RFX4: variants seen among roughly 807,000 people sequenced by gnomAD.
RFX4 encodes regulatory factor X4.
A neutral mutation model predicts 95.0 loss-of-function variants in RFX4; 10 were observed. The ratio of observed to expected loss-of-function variants is 0.11; its 90% confidence interval spans 0.06 to 0.18. The LOEUF (loss-of-function observed/expected upper bound fraction) is 0.18. RFX4 is among the 10% of genes least tolerant of loss of function. The probability of loss-of-function intolerance (pLI) is 1.00; values close to 1 mark genes in which losing one functional copy is unlikely to be tolerated. For missense variants in RFX4, 640 were observed against 922.0 expected (o/e 0.69, Z 3.96); for synonymous variants, 321 against 340.7 (o/e 0.94, Z 0.64).
At chr12:106,607,039 T>A (rs2039850417) in intron 1 of RFX4, among the ~76,000 whole-genome samples, 1 of 152,146 alleles carries the variant, frequency 6.6e-6, no homozygotes, top group African/African-American at 2.4e-5. Context: ...GAGGACTCAA[T>A]GAAATAACTT....
At chr12:106,719,141 CA>C (rs985918285) in intron 11 of RFX4, among the ~76,000 whole-genome samples, 13 of 151,246 alleles carry the variant, frequency 8.6e-5, no homozygotes, top group African/African-American at 2.7e-4. Context: ...AAACAAAAAA[CA>C]AAAAAAAGCA....
intron 17 of RFX4, among the ~76,000 whole-genome samples, chr12:106,753,341 G>A (rs1411232944): frequency 6.6e-6 from 1 of 152,086 alleles, no homozygotes; most frequent in Non-Finnish European, 1.5e-5. Context: ...GGGCATTCAT[G>A]GCAATCATAT....
intron 8 of RFX4, among the ~76,000 whole-genome samples, chr12:106,700,476 G>A (rs1391401415): frequency 2.9e-5 from 4 of 140,128 alleles, no homozygotes; most frequent in East Asian, 2.1e-4. Flanking sequence ...GCGCGATCTC[G>A]GCTCACTGCA....
intron 3 of RFX4, among the ~76,000 whole-genome samples, chr12:106,653,405 G>C (rs1304533768): frequency 6.6e-6 from 1 of 152,180 alleles, no homozygotes; most frequent in Non-Finnish European, 1.5e-5. Flanking sequence ...GCGGATGCTT[G>C]TCACACGTTA....
intron 4 of RFX4, among the ~76,000 whole-genome samples, chr12:106,669,377 A>G (rs1450824722): frequency 6.6e-6 from 1 of 152,186 alleles, no homozygotes; most frequent in African/African-American, 2.4e-5. Context: ...CAGTGAGGAC[A>G]TGGGTAATTG....
intron 15 of RFX4, among the ~76,000 whole-genome samples, chr12:106,744,069 T>C (rs1392202349): frequency 6.6e-6 from 1 of 152,240 alleles, no homozygotes; most frequent in Non-Finnish European, 1.5e-5. Flanking sequence ...TAACCCATTT[T>C]AATAAACATG....
Position 106,641,270 on chromosome 12 carries a change from T to C in RFX4, c.191+1878T>C, listed in dbSNP as rs987033595. Among the ~76,000 whole-genome samples, 4 of 152,352 alleles carry C rather than the reference T, an allele frequency of 2.6e-5. No individual in the cohort carries two copies. In the East Asian group the frequency reaches 7.7e-4, roughly 29 times the overall value. The stretch of plus-strand genomic sequence containing the variant: ...ACTGTCATGGCTTAACTCCCAACTC[T>C]GCCACTTACAAGCTGTGAAGTCTTG... On this transcript the variant is annotated intron_variant, in intron 3 of 17. Transcript: ENST00000392842.
chr12:106,619,285 G>T (rs2040132415), intron 2 of RFX4, among the ~76,000 whole-genome samples: 2 of 152,104 alleles, frequency 1.3e-5, no homozygotes, highest in South Asian at 4.1e-4. Flanking sequence ...GTATACTGAA[G>T]ATCATGAAAC....
At chr12:106,612,046 C>A (rs907593615) in intron 2 of RFX4, among the ~76,000 whole-genome samples, 9 of 151,998 alleles carry the variant, frequency 5.9e-5, no homozygotes, top group African/African-American at 2.2e-4. Flanking sequence ...AATGTGTGAC[C>A]TTTCATGTTC....
At chr12:106,667,123 A>T (rs189247530) in intron 4 of RFX4, among the ~76,000 whole-genome samples, 1 of 152,016 alleles carries the variant, frequency 6.6e-6, no homozygotes, top group East Asian at 1.9e-4. Flanking sequence ...CTTTACTACA[A>T]GTGTTTCTCC....
At chr12:106,607,526 G>A (rs1282954796) in intron 1 of RFX4, among the ~76,000 whole-genome samples, 1 of 136,722 alleles carries the variant, frequency 7.3e-6, no homozygotes, top group African/African-American at 2.7e-5. Flanking sequence ...AGGTGTGAAC[G>A]TGAGTGTGTT....
chr12:106,593,716 A>G (rs2374625), intron 1 of RFX4, among the ~76,000 whole-genome samples: 148,674 of 152,342 alleles, frequency 0.98, 72,575 homozygotes, highest in East Asian at 1. Flanking sequence ...GTGAGCATGA[A>G]AGAGTTTTTG....
intron 15 of RFX4, among the ~76,000 whole-genome samples, chr12:106,735,974 G>A (rs1047095989): frequency 6.6e-6 from 1 of 152,136 alleles, no homozygotes. Context: ...TGGAGGGCTT[G>A]GTCAGGCTAT....
intron 7 of RFX4, among the ~76,000 whole-genome samples, chr12:106,690,536 A>G (rs2041759105): frequency 6.6e-6 from 1 of 152,062 alleles, no homozygotes; most frequent in Non-Finnish European, 1.5e-5. Context: ...TTTCCCACCC[A>G]TGTCACAATC....
Position 106,583,297 on chromosome 12 carries a change from G to A in RFX4, c.-24G>A, listed in dbSNP as rs749409393. 3 of 1,570,030 alleles carry A rather than the reference G, an allele frequency of 1.9e-6. No individual in the cohort carries two copies. Among genetic ancestry groups the A allele is most frequent in the East Asian group, 2.4e-5 (1 of 41,044 alleles). ...CCAAACATCAGGACTTTTGGGGGGC[G>A]CCTGTGCTGTCCATGGGAAGAGCAT... is the stretch of plus-strand genomic sequence containing the variant. On this transcript the variant is annotated 5_prime_UTR_variant, in exon 1 of 18. Transcript: ENST00000392842.
At chr12:106,641,824 T>G (rs2040628762) in intron 3 of RFX4, among the ~76,000 whole-genome samples, 1 of 152,162 alleles carries the variant, frequency 6.6e-6, no homozygotes, top group Non-Finnish European at 1.5e-5. Flanking sequence ...AATAAATGTT[T>G]ACTGAGCACC....
intron 3 of RFX4, among the ~76,000 whole-genome samples, chr12:106,642,370 C>A (rs1295257344): frequency 6.6e-6 from 1 of 151,620 alleles, no homozygotes; most frequent in Non-Finnish European, 1.5e-5. Flanking sequence ...AATCCCAGCA[C>A]TTTGAGAGGC....
intron 2 of RFX4, among the ~76,000 whole-genome samples, chr12:106,635,162 C>T (rs934214627): frequency 6.6e-6 from 1 of 152,084 alleles, no homozygotes; most frequent in African/African-American, 2.4e-5. Flanking sequence ...GACAACCTGT[C>T]CAGGTGGACC....
At chr12:106,666,195 T>C (rs936436982) in intron 4 of RFX4, among the ~76,000 whole-genome samples, 2 of 152,042 alleles carry the variant, frequency 1.3e-5, no homozygotes, top group African/African-American at 4.8e-5. Flanking sequence ...ACTTTAAATA[T>C]TTCATTTCAC....
Sources: allele counts gnomAD v4.1 joint callset (sites outside exome capture counted in the v4.1 genomes callset), GRCh38; gene constraint gnomAD v4.1.1; transcripts MANE v1.5; gene names NCBI Gene and HGNC (gene_info 2026-07-23, HGNC 2026-07-21).